Variants in PRIM2 observed in about 807,000 individuals in gnomAD.
The protein encoded by PRIM2 is DNA primase subunit 2.
A neutral mutation model predicts 67.3 loss-of-function variants in PRIM2; 39 were observed. The ratio of observed to expected loss-of-function variants is 0.58; its 90% CI spans 0.45 to 0.76. The LOEUF (loss-of-function observed/expected upper bound fraction) is 0.76, where lower values mean the gene tolerates loss of function less well. PRIM2 is among the 30% of genes least tolerant of loss of function. PRIM2 has a pLI of 0.00. For missense variants in PRIM2, 398 were observed against 598.7 expected, an observed-to-expected ratio of 0.66 and a Z score of 3.50; for synonymous variants, 143 against 198.7, an observed-to-expected ratio of 0.72 and a Z score of 2.36.
intron 7 of PRIM2, among the ~76,000 whole-genome samples, chr6:57,401,692 A>G (rs1051293198): frequency 6.6e-6 from 1 of 152,128 alleles, no homozygotes; most frequent in African/African-American, 2.4e-5. Context: ...TGCTTGTCTC[A>G]TGGGGGCTCC....
In PRIM2 at chr6:57,642,435, C is replaced by CTTT. The variant is rs1156576933; in HGVS notation, c.1300-3470_1300-3468dup. Among the ~76,000 whole-genome samples the CTTT allele has an allele frequency of 2.1e-3, 172 of 83,162 alleles. 3 individuals are homozygous for CTTT. Among genetic ancestry groups the CTTT allele is most frequent in the East Asian group, 3.2e-3 (8 of 2,496 alleles). The allele number at this position is 83,162 out of a possible 152,430, so 54.6% of individuals were successfully genotyped here. On this transcript the variant is annotated intron_variant, in intron 13 of 13. Coordinates refer to ENST00000615550, the MANE Select transcript of PRIM2 (RefSeq NM_000947.5). ...TATGCACATACCTTAAATATTATAT[C>CTTT]TTTTTTTTTTTTTTTTTTTTTTTTT... is the stretch of plus-strand genomic sequence containing the variant.
rs1775086335 is a variant in PRIM2, at chr6:57,539,388, A to G, written c.1020+1763A>G. ...TTGACCAATCATTGAAAATATCTTA[A>G]TGAGTTACATAATATATCCTTTGAA... On this transcript the variant is annotated intron_variant, in intron 10 of 13. Transcript: ENST00000615550. Among the ~76,000 whole-genome samples the G allele has an allele frequency of 2.0e-5, 3 of 152,270 alleles. No individual in the cohort carries two copies. The South Asian group carries it at 6.2e-4, about 32-fold the overall frequency.
intron 5 of PRIM2, among the ~76,000 whole-genome samples, chr6:57,378,108 T>C (rs1769832738): frequency 6.8e-6 from 1 of 147,306 alleles, no homozygotes; most frequent in African/African-American, 2.7e-5. Flanking sequence ...TCACCCAGAC[T>C]GGAGTGCAGT....
At chr6:57,334,047 C>T (rs1393936733) in intron 5 of PRIM2, among the ~76,000 whole-genome samples, 1 of 152,170 alleles carries the variant, frequency 6.6e-6, no homozygotes, top group African/African-American at 2.4e-5. Flanking sequence ...TAACAGACAT[C>T]TCCCTAACCT....
intron 7 of PRIM2, among the ~76,000 whole-genome samples, chr6:57,496,488 C>A (rs1215657289): frequency 6.6e-6 from 1 of 152,060 alleles, no homozygotes; most frequent in African/African-American, 2.4e-5. Context: ...GTTGGTAACT[C>A]CAGTGTACAT....
intron 7 of PRIM2, among the ~76,000 whole-genome samples, chr6:57,455,926 GT>G (rs1422436153): frequency 6.6e-6 from 1 of 152,156 alleles, no homozygotes; most frequent in Non-Finnish European, 1.5e-5. Context: ...GCTGGTACTG[GT>G]TGTTCCTTTC....
rs544165465 is a variant in PRIM2, at chr6:57,350,174, A to G, written c.459+24129A>G. 1.9e-4 allele frequency among the ~76,000 whole-genome samples: 29 copies of G among 152,094 alleles called. No individual in the cohort carries two copies. In the East Asian group the frequency reaches 5.2e-3, roughly 27 times the overall value. ...TTGGTGGGGATATTCAGTTCTTTCT[A>G]TTTCCCTTGGAGAGTTCTTCATAGA... On this transcript the variant is annotated intron_variant, in intron 5 of 13. Coordinates refer to ENST00000615550, the MANE Select transcript of PRIM2 (RefSeq NM_000947.5).
At chr6:57,571,728 A>G (rs1319801186) in intron 10 of PRIM2, among the ~76,000 whole-genome samples, 1 of 152,230 alleles carries the variant, frequency 6.6e-6, no homozygotes, top group Non-Finnish European at 1.5e-5. Context: ...AAGAAACACA[A>G]GTCAGACTCA....
At chr6:57,630,752 A>G (rs1239935298) in intron 12 of PRIM2, among the ~76,000 whole-genome samples, 1 of 152,074 alleles carries the variant, frequency 6.6e-6, no homozygotes, top group Non-Finnish European at 1.5e-5. Flanking sequence ...ATTATTATAG[A>G]TGTTTGTCAG....
At chr6:57,622,081 G>C (rs1582025006) in intron 12 of PRIM2, among the ~76,000 whole-genome samples, 1 of 152,096 alleles carries the variant, frequency 6.6e-6, no homozygotes, top group Admixed American at 6.6e-5. Context: ...CTCCCAAGTA[G>C]CTGGGATTAC....
At chr6:57,305,541 C>T in the PRIM2 span, among the ~76,000 whole-genome samples, 1 of 152,204 alleles carries the variant, frequency 6.6e-6, no homozygotes, top group Non-Finnish European at 1.5e-5. Flanking sequence ...TTGCCAGGAT[C>T]GAGATGGATT....
intron 5 of PRIM2, among the ~76,000 whole-genome samples, chr6:57,365,432 T>TG (rs2127317423): frequency 6.6e-6 from 1 of 152,050 alleles, no homozygotes; most frequent in South Asian, 2.1e-4. Context: ...AACATTATTT[T>TG]GTGTGTATGA....
the PRIM2 span, among the ~76,000 whole-genome samples, chr6:57,286,593 A>G: frequency 6.6e-6 from 1 of 152,224 alleles, no homozygotes; most frequent in Admixed American, 6.5e-5. Flanking sequence ...CTTACACCTT[A>G]TACAAAAATT....
intron 7 of PRIM2, among the ~76,000 whole-genome samples, chr6:57,487,099 C>T (rs1453806201): frequency 1.3e-5 from 2 of 152,166 alleles, no homozygotes; most frequent in South Asian, 2.1e-4. Flanking sequence ...TAGTCAAGTT[C>T]TAACAATTCC....
intron 10 of PRIM2, among the ~76,000 whole-genome samples, chr6:57,586,505 T>C (rs1427630019): frequency 1.3e-5 from 2 of 152,228 alleles, no homozygotes; most frequent in Admixed American, 6.5e-5. Context: ...CAGAAAACAA[T>C]TGATGGTAAA....
At chr6:57,452,622 G>A (rs1772596061) in intron 7 of PRIM2, among the ~76,000 whole-genome samples, 1 of 152,152 alleles carries the variant, frequency 6.6e-6, no homozygotes, top group Non-Finnish European at 1.5e-5. Context: ...CCCACTTGTT[G>A]ATGGGGTTGT....
At chr6:57,477,253 A>G (rs1773497619) in intron 7 of PRIM2, among the ~76,000 whole-genome samples, 1 of 152,160 alleles carries the variant, frequency 6.6e-6, no homozygotes, top group Non-Finnish European at 1.5e-5. Context: ...TCAGCCCCCT[A>G]AAGTTCTGGG....
At chr6:57,450,747 A>G (rs1370829092) in intron 7 of PRIM2, among the ~76,000 whole-genome samples, 4 of 152,362 alleles carry the variant, frequency 2.6e-5, no homozygotes, top group Admixed American at 6.5e-5. Context: ...AATGATTTAT[A>G]TGATCAATCA....
chr6:57,420,622 C>G (rs1250014151), intron 7 of PRIM2, among the ~76,000 whole-genome samples: 1 of 152,304 alleles, frequency 6.6e-6, no homozygotes, highest in Non-Finnish European at 1.5e-5. Context: ...CTTAGCTGGT[C>G]CTGGGTTGAT....
Sources: allele counts gnomAD v4.1 joint callset (sites outside exome capture counted in the v4.1 genomes callset), GRCh38; gene constraint gnomAD v4.1.1; transcripts MANE v1.5; gene names NCBI Gene and HGNC (gene_info 2026-07-23, HGNC 2026-07-21).